The following RARB variants were observed in gnomAD, a reference collection of about 807,000 sequenced individuals.
RARB encodes the protein HBV-activated protein.
In RARB, 17 loss-of-function variants were observed where a neutral mutation model predicts 51.9. The observed-to-expected ratio is 0.33, with a 90% CI of 0.22 to 0.49. RARB has a LOEUF of 0.49. Among genes scored for constraint, RARB ranks in the 20% least tolerant of loss-of-function variants. The probability of loss-of-function intolerance (pLI) is 0.99; values close to 1 mark genes in which losing one functional copy is unlikely to be tolerated. For missense variants in RARB, 369 were observed against 550.8 expected, an observed-to-expected ratio of 0.67 and a Z score of 3.30; for synonymous variants, 215 against 195.4, an observed-to-expected ratio of 1.10 and a Z score of -0.84.
At chr3:25,372,317 C>T (rs374240846) in intron 5 of RARB, among the ~76,000 whole-genome samples, 31 of 152,224 alleles carry the variant, frequency 2.0e-4, no homozygotes, top group Non-Finnish European at 3.1e-4. Context: ...CTAGATGCCA[C>T]GCCCATGTCA....
chr3:25,501,057 A>G, intron 2 of RARB, 125 bp from the exon 3 acceptor site: 1 of 1,166,870 alleles, frequency 8.6e-7, no homozygotes, highest in Non-Finnish European at 1.2e-6. Flanking sequence ...TATGTAAGTT[A>G]ACTTTTCTGC....
In RARB at chr3:25,094,952, A is replaced by G. The variant is rs116801142; in HGVS notation, c.-328+34776A>G. On this transcript the variant is annotated intron_variant, in intron 3 of 11. Coordinates refer to the RARB transcript ENST00000383772. ...TTTCTTCCTACAGATGCTTGAGAAAAAGGTAAACAAATAGTTACCTCATTT... is the reference window on the plus strand; with the variant it reads ...TTTCTTCCTACAGATGCTTGAGAAAGAGGTAAACAAATAGTTACCTCATTT... 9.7e-3 allele frequency among the ~76,000 whole-genome samples: 1,470 copies of G among 152,218 alleles called. 9 individuals are homozygous for G. The highest frequency in any genetic ancestry group is 0.016 in the Non-Finnish European group (1,086 of 68,016).
chr3:24,965,201 C>G (rs1696230596), intron 2 of RARB, among the ~76,000 whole-genome samples: 1 of 152,012 alleles, frequency 6.6e-6, no homozygotes, highest in Non-Finnish European at 1.5e-5. Context: ...CACTTAATTT[C>G]TTGTGTTGAG....
At chr3:25,517,056 G>T (rs1575479960) in intron 3 of RARB, among the ~76,000 whole-genome samples, 1 of 152,078 alleles carries the variant, frequency 6.6e-6, no homozygotes, top group African/African-American at 2.4e-5. Flanking sequence ...TCCAGCATTC[G>T]AAATTTAGAC....
chr3:25,099,108 T>G (rs1039702586), intron 3 of RARB, among the ~76,000 whole-genome samples: 7 of 152,050 alleles, frequency 4.6e-5, no homozygotes, highest in African/African-American at 1.7e-4. Flanking sequence ...GGTAAATGAT[T>G]AAGTAGTTAT....
chr3:25,412,855 A>C (rs188514201), intron 5 of RARB, among the ~76,000 whole-genome samples: 1 of 152,064 alleles, frequency 6.6e-6, no homozygotes, highest in South Asian at 2.1e-4. Context: ...CCCCATCTCT[A>C]CTAAAAATAC....
intron 5 of RARB, among the ~76,000 whole-genome samples, chr3:25,277,942 A>C (rs527808583): frequency 6.6e-6 from 1 of 152,356 alleles, no homozygotes; most frequent in East Asian, 1.9e-4. Flanking sequence ...TTCTGCTTAC[A>C]TAAATGATGC....
Position 25,569,847 on chromosome 3 carries a change from C to G in RARB, c.538C>G (p.Leu180Val). 1 of 1,614,230 alleles carries G rather than the reference C, an allele frequency of 6.2e-7. No individual in the cohort carries two copies. The highest frequency in any genetic ancestry group is 8.5e-7 in the Non-Finnish European group (1 of 1,180,038). ...TGAAATGACAGCTGAGTTGGACGAT[C>G]TCACAGAGAAGATCCGAAAAGCTCA... The part of the protein sequence containing the change: ...SYEMTAELDD[L>V]TEKIRKAHQE... The change falls in exon 4 of 8, where the codon CTC becomes GTC. Residue 180 changes from leucine (L) to valine (V), a missense_variant. This residue lies in a region of RARB where 46 missense variants were observed against 43.2 expected (regional missense o/e 1.07). Transcript: ENST00000330688.
intron 2 of RARB, among the ~76,000 whole-genome samples, chr3:24,876,584 AAT>A (rs1703047378): frequency 1.3e-5 from 2 of 152,150 alleles, no homozygotes; most frequent in Non-Finnish European, 2.9e-5. Flanking sequence ...TTTAACCCAT[AAT>A]ACTCTAGAAA....
intron 5 of RARB, among the ~76,000 whole-genome samples, chr3:25,389,518 T>C (rs1366866229): frequency 1.3e-5 from 2 of 152,156 alleles, no homozygotes; most frequent in Non-Finnish European, 2.9e-5. Flanking sequence ...GCTGTGACAT[T>C]AAACTACAGT....
chr3:25,389,237 C>A (rs1383288017), intron 5 of RARB, among the ~76,000 whole-genome samples: 1 of 152,120 alleles, frequency 6.6e-6, no homozygotes, highest in Non-Finnish European at 1.5e-5. Flanking sequence ...CACAACCTTA[C>A]CTTCCTTTTT....
intron 4 of RARB, among the ~76,000 whole-genome samples, chr3:25,146,808 G>C (rs1311225606): frequency 6.6e-6 from 1 of 151,908 alleles, no homozygotes; most frequent in Non-Finnish European, 1.5e-5. Flanking sequence ...CATGAGCCAC[G>C]GCGCCCGGCA....
At chr3:25,287,544 G>C (rs1553601513) in intron 5 of RARB, among the ~76,000 whole-genome samples, 3 of 152,256 alleles carry the variant, frequency 2.0e-5, no homozygotes, top group South Asian at 2.1e-4. Context: ...TCCACACACA[G>C]ACAGACACTC....
At chr3:25,335,696 A>G (rs947717846) in intron 5 of RARB, among the ~76,000 whole-genome samples, 7 of 152,078 alleles carry the variant, frequency 4.6e-5, no homozygotes, top group Non-Finnish European at 1.0e-4. Flanking sequence ...AACCCAACCA[A>G]ATTGCCAGAA....
At chr3:25,487,525 G>A (rs191914243) in intron 2 of RARB, among the ~76,000 whole-genome samples, 6 of 151,086 alleles carry the variant, frequency 4.0e-5, no homozygotes, top group African/African-American at 1.5e-4. Context: ...GGAATGGTCG[G>A]CATGATACTC....
chr3:25,465,326 C>T lies in RARB; in HGVS notation c.306+3985C>T, dbSNP rs373836119. 1.7e-3 allele frequency among the ~76,000 whole-genome samples: 257 copies of T among 152,246 alleles called. 4 individuals are homozygous for T. In the South Asian group the frequency reaches 0.019, roughly 11 times the overall value. On this transcript the variant is annotated intron_variant, in intron 2 of 7. Transcript: ENST00000330688. ...GTGTGGTATCATTTTAGGATACCAG[C>T]AGATGCACCATAGGCCCCTTGTTGA...
At chr3:24,984,750 G>T (rs1330857520) in intron 2 of RARB, among the ~76,000 whole-genome samples, 1 of 91,016 alleles carries the variant, frequency 1.1e-5, no homozygotes, top group African/African-American at 4.2e-5. Flanking sequence ...GATGTTATAT[G>T]CACAAAAAAG....
intron 2 of RARB, among the ~76,000 whole-genome samples, chr3:24,954,688 G>T (rs1051367228): frequency 6.6e-6 from 1 of 152,094 alleles, no homozygotes; most frequent in East Asian, 1.9e-4. Context: ...AGTCATTATT[G>T]CTAATGGATT....
intron 2 of RARB, among the ~76,000 whole-genome samples, chr3:24,968,592 T>A (rs560059948): frequency 6.6e-6 from 1 of 152,138 alleles, no homozygotes; most frequent in Non-Finnish European, 1.5e-5. Context: ...TAGTCCCTTA[T>A]GGTCTCACTC....
Sources: gnomAD v4.1 joint callset for allele counts (sites outside exome capture counted in the v4.1 genomes callset) on GRCh38, gnomAD v4.1.1 for gene constraint, gnomAD v4.1.1 regional missense constraint, MANE v1.5 for transcripts, NCBI Gene and HGNC (gene_info 2026-07-23, HGNC 2026-07-21) for gene names.